The following CACNB2 variants were observed in gnomAD, a reference collection of about 807,000 sequenced individuals.
CACNB2 encodes the protein calcium voltage-gated channel auxiliary subunit beta 2, also known as voltage-dependent L-type calcium channel subunit beta-2.
CACNB2 carries 42 observed loss-of-function variants against 73.3 expected under a neutral mutation model. The ratio of observed to expected loss-of-function variants is 0.57; its 90% CI spans 0.45 to 0.74. The LOEUF is 0.74. CACNB2 is among the 30% of genes least tolerant of loss of function. CACNB2 has a pLI of 0.00. For synonymous variants in CACNB2, 348 were observed against 310.3 expected (o/e 1.12, Z -1.28); for missense variants, 940 against 853.0 (o/e 1.10, Z -1.27).
intron 2 of CACNB2, among the ~76,000 whole-genome samples, chr10:18,167,837 G>A (rs1020832692): frequency 6.6e-6 from 1 of 152,140 alleles, no homozygotes; most frequent in Admixed American, 6.6e-5. Flanking sequence ...GCAGCTTTAA[G>A]ACACGTGTCA....
intron 2 of CACNB2, among the ~76,000 whole-genome samples, chr10:18,365,702 A>G (rs920072617): frequency 3.9e-5 from 6 of 152,236 alleles, no homozygotes; most frequent in Admixed American, 3.9e-4. Flanking sequence ...ACGTTGGGAC[A>G]GAATAGTGCA....
chr10:18,155,127 A>G (rs1444613458), intron 2 of CACNB2, among the ~76,000 whole-genome samples: 1 of 152,212 alleles, frequency 6.6e-6, no homozygotes, highest in African/African-American at 2.4e-5. Context: ...TCATAAGGTC[A>G]ACCCCTGTGG....
At chr10:18,361,062 T>G (rs1374083691) in intron 2 of CACNB2, among the ~76,000 whole-genome samples, 5 of 152,182 alleles carry the variant, frequency 3.3e-5, no homozygotes, top group African/African-American at 1.2e-4. Flanking sequence ...CATTCTTCTC[T>G]GACTTTTCCC....
At chr10:18,183,564 A>AG (rs2131225761) in intron 2 of CACNB2, among the ~76,000 whole-genome samples, 1 of 152,288 alleles carries the variant, frequency 6.6e-6, no homozygotes, top group African/African-American at 2.4e-5. Context: ...GAGCTTGTAC[A>AG]GGGGAACCCC....
chr10:18,282,293 C>T (rs1047558210), intron 2 of CACNB2, among the ~76,000 whole-genome samples: 1 of 152,154 alleles, frequency 6.6e-6, no homozygotes, highest in Admixed American at 6.5e-5. Context: ...GACACTGCAG[C>T]TGTGGCTGGG....
intron 3 of CACNB2, among the ~76,000 whole-genome samples, chr10:18,464,079 C>T (rs865851640): frequency 3.3e-4 from 50 of 152,200 alleles, no homozygotes; most frequent in African/African-American, 1.1e-3. Flanking sequence ...CCTTCACAAT[C>T]GTTGAACCCT....
chr10:18,381,720 G>A lies in CACNB2; in HGVS notation c.214-20204G>A, dbSNP rs74229417. On this transcript the variant is annotated intron_variant, in intron 2 of 13. Coordinates refer to ENST00000324631, the MANE Select transcript of CACNB2 (RefSeq NM_201596.3). Reference sequence around the variant, plus strand: ...AAAAAAAAAAAAGGTTCATTTTAATGTAACTTAGTTGACTGTAGAATTTGG... The same window carrying A: ...AAAAAAAAAAAAGGTTCATTTTAATATAACTTAGTTGACTGTAGAATTTGG... 9.1e-3 allele frequency among the ~76,000 whole-genome samples: 1,357 copies of A among 149,796 alleles called. 31 individuals are homozygous for A. The highest frequency in any genetic ancestry group is 0.038 in the East Asian group (191 of 5,028).
At chr10:18,329,212 G>A (rs1016290663) in intron 2 of CACNB2, among the ~76,000 whole-genome samples, 1 of 152,074 alleles carries the variant, frequency 6.6e-6, no homozygotes, top group Non-Finnish European at 1.5e-5. Flanking sequence ...GTTCTTCTGG[G>A]CCAGGAAGGA....
At chr10:18,162,845 G>C (rs1470172184) in intron 2 of CACNB2, among the ~76,000 whole-genome samples, 2 of 152,220 alleles carry the variant, frequency 1.3e-5, no homozygotes, top group African/African-American at 4.8e-5. Flanking sequence ...ACTCTGAATA[G>C]TGAGCATAGA....
At chr10:18,479,772 T>C (rs1316769604) in intron 3 of CACNB2, among the ~76,000 whole-genome samples, 1 of 152,220 alleles carries the variant, frequency 6.6e-6, no homozygotes, top group East Asian at 1.9e-4. Flanking sequence ...CCTTTGGTCA[T>C]GATTGTAAGT....
intron 3 of CACNB2, among the ~76,000 whole-genome samples, chr10:18,415,196 G>A (rs755505639): frequency 1.1e-3 from 161 of 152,254 alleles, no homozygotes; most frequent in Non-Finnish European, 1.9e-3. Flanking sequence ...TTGGCATGGT[G>A]GCTCATGCCT....
chr10:18,488,422 C>G (rs1321294062), intron 3 of CACNB2, among the ~76,000 whole-genome samples: 1 of 133,916 alleles, frequency 7.5e-6, no homozygotes, highest in African/African-American at 2.9e-5. Context: ...TTGCAGTGAG[C>G]CAAAATCACA....
At chr10:18,226,948 G>A (rs971171406) in intron 2 of CACNB2, among the ~76,000 whole-genome samples, 6 of 152,066 alleles carry the variant, frequency 3.9e-5, no homozygotes, top group Admixed American at 6.5e-5. Context: ...AGGAGGGAGC[G>A]AGGGTTATTT....
At chr10:18,314,133 C>T (rs2131903379) in intron 2 of CACNB2, among the ~76,000 whole-genome samples, 1 of 152,222 alleles carries the variant, frequency 6.6e-6, no homozygotes, top group African/African-American at 2.4e-5. Flanking sequence ...TGGATTTTAT[C>T]ACTTGGAAAC....
rs191699588 is a variant in CACNB2 at position 18,389,472 on chromosome 10, A to G, written c.214-12452A>G. On this transcript the variant is annotated intron_variant, in intron 2 of 13. Coordinates refer to ENST00000324631, the MANE Select transcript of CACNB2 (RefSeq NM_201596.3). ...TTGTTTTACATACGTGAATGTATGTATATATAGAAATGATTCAGTTTTGTT... is the reference window on the plus strand; with the variant it reads ...TTGTTTTACATACGTGAATGTATGTGTATATAGAAATGATTCAGTTTTGTT... Among the ~76,000 whole-genome samples, 90 of 152,298 alleles carry G rather than the reference A, an allele frequency of 5.9e-4. 3 individuals are homozygous for G. The highest frequency in any genetic ancestry group is 8.2e-4 in the Non-Finnish European group (56 of 68,012).
chr10:18,376,676 G>C (rs2042810340), intron 2 of CACNB2, among the ~76,000 whole-genome samples: 1 of 152,094 alleles, frequency 6.6e-6, no homozygotes, highest in African/African-American at 2.4e-5. Flanking sequence ...TTTATGGTGG[G>C]GTTGGACTAT....
rs1161323843 is a variant in CACNB2, at chr10:18,260,811, T to TA, written c.213+109837dup. 5.9e-6 allele frequency: 6 copies of TA among 1,018,774 alleles called. No individual in the cohort carries two copies. The East Asian group carries it at 5.4e-4, about 92-fold the overall frequency. 63.1% of individuals were successfully genotyped at this position (1,018,774 alleles called of 1,614,324 possible). A position where few individuals can be genotyped will look rare whatever the true frequency, so the allele number is the denominator to read the frequency against. ...GCAGTCACATAAACAGCAGCAGGAG[T>TA]AGGCCTCCTGCTTTTCAAAAGCAGA... On this transcript the variant is annotated intron_variant, in intron 2 of 13. Transcript: ENST00000324631.
rs772164191 is a variant in CACNB2, at chr10:18,140,762, C to T, written c.26C>T (p.Ser9Leu). 1 of 1,595,946 alleles carries T rather than the reference C, an allele frequency of 6.3e-7. No homozygotes were observed. The highest frequency in any genetic ancestry group is 1.1e-5 in the South Asian group (1 of 87,962). ...ATGGTCCAAAGGGACATGTCCAAGT[C>T]GCCTCCCACAGCGGCGGCGGCGGTG... Reference protein sequence around the residue: MVQRDMSKSPPTAAAAVAQ... With the variant: MVQRDMSKLPPTAAAAVAQ... Residue 9 changes from serine (S) to leucine (L), a missense_variant, in exon 1 of 14, where the codon TCG (serine) becomes TTG (leucine). Coordinates refer to ENST00000324631, the MANE Select transcript of CACNB2 (RefSeq NM_201596.3).
intron 2 of CACNB2, among the ~76,000 whole-genome samples, chr10:18,328,538 A>T (rs1252368937): frequency 2.0e-5 from 3 of 152,194 alleles, no homozygotes; most frequent in Admixed American, 6.5e-5. Flanking sequence ...AATATACTTA[A>T]ATTGCACTTA....
Sources: gnomAD v4.1 joint callset for allele counts (sites outside exome capture counted in the v4.1 genomes callset) on GRCh38, gnomAD v4.1.1 for gene constraint, MANE v1.5 for transcripts, NCBI Gene and HGNC (gene_info 2026-07-23, HGNC 2026-07-21) for gene names.